The following DHX35 variants were observed in gnomAD, a reference collection of about 807,000 sequenced individuals.
The protein encoded by DHX35 is probable ATP-dependent RNA helicase DHX35.
A neutral mutation model predicts 99.6 loss-of-function variants in DHX35; 84 were observed. The ratio of observed to expected loss-of-function variants is 0.84; its 90% CI spans 0.71 to 1.01. DHX35 has a LOEUF of 1.01. Among genes scored for constraint, DHX35 ranks in the 50% least tolerant of loss-of-function variants. The pLI, the probability that DHX35 is intolerant of heterozygous loss-of-function variation, is 0.00. For synonymous variants in DHX35, 331 were observed against 316.2 expected (o/e 1.05, Z -0.50); for missense variants, 852 against 888.5 (o/e 0.96, Z 0.52).
chr20:38,968,256 A>G (rs973956977), intron 1 of DHX35, among the ~76,000 whole-genome samples: 1 of 152,078 alleles, frequency 6.6e-6, no homozygotes, highest in African/African-American at 2.4e-5. Flanking sequence ...CAGCTCCTGT[A>G]CAGTAGCCAA....
At chr20:38,964,925 G>A (rs2085889230) in intron 1 of DHX35, among the ~76,000 whole-genome samples, 1 of 152,230 alleles carries the variant, frequency 6.6e-6, no homozygotes. Context: ...GAAGATGTGG[G>A]AGAAGATGAA....
intron 12 of DHX35, among the ~76,000 whole-genome samples, chr20:39,006,634 C>G (rs2145905285): frequency 6.6e-6 from 1 of 152,288 alleles, no homozygotes; most frequent in African/African-American, 2.4e-5. Context: ...CCATTTGTCC[C>G]TAGGGTGTGG....
At chr20:38,985,337 T>C (rs1434771672) in intron 4 of DHX35, among the ~76,000 whole-genome samples, 2 of 143,828 alleles carry the variant, frequency 1.4e-5, no homozygotes, top group African/African-American at 5.3e-5. Context: ...CGGTGAGTTA[T>C]GATCGTGTCA....
At chr20:39,027,986 T>A (rs1364997155) in intron 18 of DHX35, among the ~76,000 whole-genome samples, 1 of 152,214 alleles carries the variant, frequency 6.6e-6, no homozygotes, top group African/African-American at 2.4e-5. Context: ...AAACACTAGC[T>A]CATAACCACA....
At chr20:39,025,945 T>C (rs917293962) in intron 18 of DHX35, among the ~76,000 whole-genome samples, 11 of 152,196 alleles carry the variant, frequency 7.2e-5, no homozygotes. Context: ...GGTAATGTTA[T>C]CCTCATTTTA....
In DHX35 at chr20:39,010,393, C is replaced by A. The variant is rs2086683679; in HGVS notation, c.1336C>A (p.His446Asn). ...AGGAATTGACAATGTCCTCAGGTTC[C>A]ACTTCATGTCGGTAAGTCCTGCCTG... ...ALGIDNVLRF[H>N]FMSPPPAQSM... The change falls in exon 13 of 22, where the codon CAC (histidine) becomes AAC (asparagine). Residue 446 changes from histidine (H) to asparagine (N), a missense_variant. Physicochemically the swap from His to Asn is moderately conservative, Grantham distance 68 (BLOSUM62 1). Transcript: ENST00000252011. 1.9e-6 allele frequency: 3 copies of A among 1,613,966 alleles called. No individual in the cohort carries two copies. Among genetic ancestry groups the A allele is most frequent in the Non-Finnish European group, 2.5e-6 (3 of 1,180,006 alleles).
intron 14 of DHX35, 81 bp from the exon 15 acceptor site, chr20:39,018,723 A>T: frequency 7.4e-7 from 1 of 1,344,154 alleles, no homozygotes; most frequent in South Asian, 1.2e-5. Context: ...AGCATACATT[A>T]TCTTTTATTC....
chr20:38,988,713 A>G (rs945229093), intron 4 of DHX35, 100 bp from the exon 5 acceptor site: 1 of 1,524,402 alleles, frequency 6.6e-7, no homozygotes, highest in African/African-American at 1.4e-5. Flanking sequence ...TTGTGTTCAC[A>G]TACTATTTAA....
intron 19 of DHX35, chr20:39,029,033 G>C (rs532075131): frequency 6.5e-6 from 1 of 154,524 alleles, no homozygotes; most frequent in Admixed American, 6.3e-5. Flanking sequence ...CCTTCCTAAT[G>C]GTCTTTACTA....
chr20:38,979,824 A>G (rs1392980702), intron 3 of DHX35, among the ~76,000 whole-genome samples: 2 of 129,390 alleles, frequency 1.5e-5, no homozygotes, highest in Non-Finnish European at 3.3e-5. Flanking sequence ...TAGAACCTAG[A>G]TGATTTTTTT....
At chr20:39,014,268 T>C (rs888005197) in intron 13 of DHX35, among the ~76,000 whole-genome samples, 1 of 152,210 alleles carries the variant, frequency 6.6e-6, no homozygotes, top group African/African-American at 2.4e-5. Context: ...TCAAGATTTG[T>C]AGAAGGAAAG....
At chr20:38,989,265 GTTTTTTT>G (rs59991063) in intron 5 of DHX35, among the ~76,000 whole-genome samples, 5 of 111,880 alleles carry the variant, frequency 4.5e-5, no homozygotes, top group Admixed American at 3.0e-4. Flanking sequence ...ACCCGGCTAA[GTTTTTTT>G]TTTTTTTTTT....
intron 21 of DHX35, among the ~76,000 whole-genome samples, chr20:39,038,235 T>C (rs1406091807): frequency 2.0e-5 from 3 of 152,204 alleles, no homozygotes; most frequent in Admixed American, 6.5e-5. Flanking sequence ...AAACCTTTCC[T>C]TGACAGCTTC....
intron 15 of DHX35, among the ~76,000 whole-genome samples, chr20:39,020,909 C>G (rs138941486): frequency 6.6e-6 from 1 of 152,068 alleles, no homozygotes; most frequent in Non-Finnish European, 1.5e-5. Flanking sequence ...GTCATCTGCC[C>G]GCCTTGGCCT....
At chr20:39,010,851 C>G (rs1303691094) in intron 13 of DHX35, among the ~76,000 whole-genome samples, 2 of 152,042 alleles carry the variant, frequency 1.3e-5, no homozygotes, top group Non-Finnish European at 2.9e-5. Flanking sequence ...GACCCTTGTG[C>G]CTGATTGCTT....
intron 14 of DHX35, 44 bp downstream of exon 14, chr20:39,014,978 T>G: frequency 4.4e-6 from 7 of 1,609,072 alleles, no homozygotes; most frequent in Non-Finnish European, 6.0e-6. Flanking sequence ...ATGTGTTGTC[T>G]TTTGTGATAT....
At chr20:38,992,095 TATTAA>T (rs546853648) in intron 6 of DHX35, among the ~76,000 whole-genome samples, 118 of 152,330 alleles carry the variant, frequency 7.7e-4, no homozygotes, top group Non-Finnish European at 1.3e-3. Context: ...TAAAATCAGA[TATTAA>T]ATTCTGTTGG....
intron 16 of DHX35, 123 bp from the exon 17 acceptor site, chr20:39,023,567 G>T: frequency 1.3e-6 from 1 of 786,942 alleles, no homozygotes; most frequent in Non-Finnish European, 2.1e-6. Flanking sequence ...TGCCCAGGCT[G>T]GTCTCGAACT....
intron 3 of DHX35, among the ~76,000 whole-genome samples, chr20:38,982,617 C>T (rs2086190165): frequency 6.6e-6 from 1 of 152,118 alleles, no homozygotes; most frequent in East Asian, 1.9e-4. Flanking sequence ...CCTCTTTATC[C>T]CTGTTCCCCT....
Sources: allele counts gnomAD v4.1 joint callset (sites outside exome capture counted in the v4.1 genomes callset), GRCh38; gene constraint gnomAD v4.1.1; transcripts MANE v1.5; gene names NCBI Gene and HGNC (gene_info 2026-07-23, HGNC 2026-07-21).